The following EIF4G2 variants were observed in gnomAD, a reference collection of about 807,000 sequenced individuals.
The protein encoded by EIF4G2 is eukaryotic translation initiation factor 4 gamma 2.
In EIF4G2, 8 loss-of-function variants were observed where a neutral mutation model predicts 117.7. The ratio of observed to expected loss-of-function variants is 0.07; its 90% CI spans 0.04 to 0.12. EIF4G2 has a LOEUF of 0.12. Ranked by LOEUF, EIF4G2 falls within the 10% of genes least tolerant of loss-of-function variation. The pLI, the probability that EIF4G2 is intolerant of heterozygous loss-of-function variation, is 1.00. For synonymous variants in EIF4G2, 413 were observed against 367.8 expected, an observed-to-expected ratio of 1.12 and a Z score of -1.41; for missense variants, 812 against 1,086.2, an observed-to-expected ratio of 0.75 and a Z score of 3.55.
chr11:10,803,036 T>C lies in EIF4G2; in HGVS notation c.990A>G (p.Ala330=), dbSNP rs759833841. Residue 330 remains alanine (A), a synonymous_variant, in exon 11 of 22, where the codon GCA becomes GCG. Transcript: ENST00000339995. This position sits in a 1 kb window ranked among gnomAD's most constrained non-coding sequence, Gnocchi z 4.0. ...AAACAAAACCCAATCTTACTTTTAC[T>C]GCATCTTGACGAATTTGATTGATCG... The C allele has an allele frequency of 8.7e-6, 14 of 1,608,532 alleles. No homozygotes were observed. Among genetic ancestry groups the C allele is most frequent in the African/African-American group, 1.3e-5 (1 of 74,758 alleles).
Position 10,807,389 on chromosome 11 carries a change from G to A in EIF4G2, c.-86-8C>T, listed in dbSNP as rs1474456651. The A allele has an allele frequency of 2.5e-6, 4 of 1,591,010 alleles. No homozygotes were observed. In the Admixed American group the frequency reaches 5.4e-5, roughly 21 times the overall value. ...ACAGGAGAAATGAAATACCTGGAACGAGAAAGAGCACCAAAATTAGACACT... is the reference window on the plus strand; with the variant it reads ...ACAGGAGAAATGAAATACCTGGAACAAGAAAGAGCACCAAAATTAGACACT... On this transcript the variant is annotated splice_polypyrimidine_tract_variant and splice_region_variant and intron_variant, in intron 1 of 21. Coordinates refer to ENST00000339995, the MANE Select transcript of EIF4G2 (RefSeq NM_001418.4).
chr11:10,799,462 G>A (rs370417714), intron 19 of EIF4G2, 38 bp from the exon 20 acceptor site: 13 of 1,610,560 alleles, frequency 8.1e-6, no homozygotes, highest in Non-Finnish European at 1.0e-5. Context: ...CCAACAGTGA[G>A]TTTTCTTGCT....
chr11:10,805,978 A>C lies in EIF4G2; in HGVS notation c.177T>G (p.Asp59Glu). 1 of 1,614,194 alleles carries C rather than the reference A, an allele frequency of 6.2e-7. No individual in the cohort carries two copies. Reference sequence around the variant, plus strand: ...CGGAGTTGTTTGCTGCGGAGTTGTCATCTCGTCTAGTGCTTCGTGCAGGAA... The same window carrying C: ...CGGAGTTGTTTGCTGCGGAGTTGTCCTCTCGTCTAGTGCTTCGTGCAGGAA... The change falls in exon 4 of 22, where the codon GAT becomes GAG. Residue 59 changes from aspartate to glutamate, a missense_variant. Transcript: ENST00000339995.
intron 13 of EIF4G2, 79 bp from the exon 14 acceptor site, chr11:10,801,853 C>G (rs1316747971): frequency 2.2e-6 from 3 of 1,384,544 alleles, no homozygotes; most frequent in South Asian, 1.3e-5. Context: ...AAGGGATGAG[C>G]CAAGCCATAA....
At chr11:10,806,953 T>C (rs915303599) in intron 2 of EIF4G2, 68 bp from the exon 3 acceptor site, 4 of 1,570,466 alleles carry the variant, frequency 2.5e-6, no homozygotes, top group Non-Finnish European at 2.6e-6. Flanking sequence ...TAAGCATCTA[T>C]TTTGTGTTTT....
chr11:10,806,787 A>G lies in EIF4G2; in HGVS notation c.107+33T>C, dbSNP rs755857188. ...GGGAAAGACTTTTAATCTGTTAAAT[A>G]AAGCTCACTGTTTTTTTACATGTTT... On this transcript the variant is annotated intron_variant, in intron 3 of 21. Transcript: ENST00000339995. 7 of 1,609,468 alleles carry G rather than the reference A, an allele frequency of 4.3e-6. No homozygotes were observed. In the South Asian group the frequency reaches 7.7e-5, roughly 18 times the overall value.
intron 14 of EIF4G2, 43 bp from the exon 15 acceptor site, chr11:10,801,130 T>C (rs909869850): frequency 1.9e-6 from 3 of 1,610,364 alleles, no homozygotes; most frequent in Non-Finnish European, 2.5e-6. Context: ...CAACATGCAG[T>C]TGGCGAACAT....
In EIF4G2 at chr11:10,802,183, C is replaced by T. The variant is rs1432992325; in HGVS notation, c.1165G>A (p.Val389Ile). ...GTGGGTGAAAATCTATCCTGGATAACTCCTGGACCAGTACCAATTCCGCTA... is the reference window on the plus strand; with the variant it reads ...GTGGGTGAAAATCTATCCTGGATAATTCCTGGACCAGTACCAATTCCGCTA... Residue 389 changes from valine to isoleucine, a missense_variant, in exon 13 of 22, where the codon GTT becomes ATT. Val to Ile is a conservative substitution (Grantham distance 29). This residue lies in a region of EIF4G2 where 571 missense variants were observed against 642.3 expected (regional missense o/e 0.89). Transcript: ENST00000339995. 6.2e-7 allele frequency: 1 copy of T among 1,614,182 alleles called. No homozygotes were observed. The highest frequency in any genetic ancestry group is 1.7e-5 in the Admixed American group (1 of 60,010).
Position 10,799,027 on chromosome 11 carries a change from G to C in EIF4G2, c.2623C>G (p.Gln875Glu), listed in dbSNP as rs1564980191. The C allele has an allele frequency of 6.2e-7, 1 of 1,610,908 alleles. No homozygotes were observed. The highest frequency in any genetic ancestry group is 8.5e-7 in the Non-Finnish European group (1 of 1,179,240). Reference sequence around the variant, plus strand: ...GCCTTGCCTTTTCCCGGAAACTCTTGGGTTATATCTTCTTTCCAAGCCAAG... The same window carrying C: ...GCCTTGCCTTTTCCCGGAAACTCTTCGGTTATATCTTCTTTCCAAGCCAAG... The change falls in exon 21 of 22, where the codon CAA (glutamine) becomes GAA (glutamate). Residue 875 changes from glutamine to glutamate, a missense_variant. Coordinates refer to ENST00000339995, the MANE Select transcript of EIF4G2 (RefSeq NM_001418.4).
At chr11:10,798,079 A>T (rs575504046) in intron 21 of EIF4G2, among the ~76,000 whole-genome samples, 198 bp from the exon 22 acceptor site, 37 of 152,352 alleles carry the variant, frequency 2.4e-4, no homozygotes, top group African/African-American at 8.9e-4. Flanking sequence ...TCCTGCAAGG[A>T]TGATCCTCGT....
In EIF4G2 at chr11:10,800,365, AAC is replaced by A; in HGVS notation, c.1861-19_1861-18del. On this transcript the variant is annotated intron_variant, in intron 17 of 21. Coordinates refer to ENST00000339995, the MANE Select transcript of EIF4G2 (RefSeq NM_001418.4). ...CAGGAAAGCCTTGAAAGAAATATACAACAGTTTATCAGTTTTCGAATTTGAGT... is the reference window on the plus strand; with the variant it reads ...CAGGAAAGCCTTGAAAGAAATATACAAGTTTATCAGTTTTCGAATTTGAGT... 2 of 1,613,062 alleles carry A rather than the reference AAC, an allele frequency of 1.2e-6. No homozygotes were observed. Among genetic ancestry groups the A allele is most frequent in the Non-Finnish European group, 1.7e-6 (2 of 1,179,132 alleles).
In EIF4G2 at chr11:10,801,796, A is replaced by T. The variant is rs375199297; in HGVS notation, c.1300-22T>A. The T allele has an allele frequency of 1.6e-4, 262 of 1,607,266 alleles. 1 individual carries two copies. The highest frequency in any genetic ancestry group is 1.2e-3 in the African/African-American group (91 of 74,746). ...GCCCCTATTTCAGAAAAGGAGAAAG[A>T]AAGTCTAGATAAAAAGGGGTCCACA... On this transcript the variant is annotated intron_variant, in intron 13 of 21. Coordinates refer to ENST00000339995, the MANE Select transcript of EIF4G2 (RefSeq NM_001418.4).
At position 10,803,475 on chromosome 11, in the gene EIF4G2, C is replaced by T. The variant is rs778962333; in HGVS notation, c.813+5G>A. 20 of 1,612,474 alleles carry T rather than the reference C, an allele frequency of 1.2e-5. No individual in the cohort carries two copies. Among genetic ancestry groups the T allele is most frequent in the East Asian group, 4.5e-5 (2 of 44,872 alleles). On this transcript the variant is annotated splice_donor_5th_base_variant and intron_variant, in intron 9 of 21. Transcript: ENST00000339995. The surrounding 1 kb of genome is among the most constrained non-coding windows in gnomAD (Gnocchi z 4.0). ...TTGTACTACTTTCATCAGCTACACACGTACCTTGGCTCGTTCATGGTCTAA... is the reference window on the plus strand; with the variant it reads ...TTGTACTACTTTCATCAGCTACACATGTACCTTGGCTCGTTCATGGTCTAA...
At chr11:10,798,738 CACT>C (rs1847334904) in intron 21 of EIF4G2, 1 of 323,004 alleles carries the variant, frequency 3.1e-6, no homozygotes, top group Non-Finnish European at 5.6e-6. Flanking sequence ...CTTGTACAGT[CACT>C]CCCATGTATA....
In EIF4G2 at chr11:10,797,508, G is replaced by T. The variant is rs1362227836; in HGVS notation, c.*308C>A. 2.3e-5 allele frequency: 7 copies of T among 303,366 alleles called. No homozygotes were observed. Among genetic ancestry groups the T allele is most frequent in the Non-Finnish European group, 4.3e-5 (7 of 162,336 alleles). 18.8% of individuals were successfully genotyped at this position (303,366 alleles called of 1,614,324 possible). A position where few individuals can be genotyped will look rare whatever the true frequency, so the allele number is the denominator to read the frequency against. ...AGTTTTCTAACTTAAAACAGCCTATGATAACTGGCAGCAAAGAAGGTCCTT... is the reference window on the plus strand; with the variant it reads ...AGTTTTCTAACTTAAAACAGCCTATTATAACTGGCAGCAAAGAAGGTCCTT... On this transcript the variant is annotated 3_prime_UTR_variant, in exon 22 of 22. Coordinates refer to ENST00000339995, the MANE Select transcript of EIF4G2 (RefSeq NM_001418.4). The surrounding 1 kb of genome is among the most constrained non-coding windows in gnomAD (Gnocchi z 4.5).
Position 10,797,618 on chromosome 11 carries a change from A to G in EIF4G2, c.*198T>C. On this transcript the variant is annotated 3_prime_UTR_variant, in exon 22 of 22. Coordinates refer to ENST00000339995, the MANE Select transcript of EIF4G2 (RefSeq NM_001418.4). The surrounding 1 kb of genome is among the most constrained non-coding windows in gnomAD (Gnocchi z 4.5). The stretch of plus-strand genomic sequence containing the variant: ...TATCTAAACATTAAAGATACTCCTA[A>G]AATATTTGATGGTAGACTATGATTA... The G allele has an allele frequency of 1.7e-6, 1 of 592,304 alleles. No individual in the cohort carries two copies. The highest frequency in any genetic ancestry group is 3.0e-6 in the Non-Finnish European group (1 of 334,466). 36.7% of individuals were successfully genotyped at this position (592,304 alleles called of 1,614,324 possible).
At position 10,799,184 on chromosome 11, in the gene EIF4G2, C is replaced by T. The variant is rs373416061; in HGVS notation, c.2536+29G>A. On this transcript the variant is annotated intron_variant, in intron 20 of 21. Transcript: ENST00000339995. ...AGTGTTCTGTTTAAGAACTTCCTCACGCCGTTCTTCTGATACAAGTCCTCT... is the reference window on the plus strand; with the variant it reads ...AGTGTTCTGTTTAAGAACTTCCTCATGCCGTTCTTCTGATACAAGTCCTCT... The T allele has an allele frequency of 5.1e-5, 82 of 1,612,422 alleles. No individual in the cohort carries two copies. In the African/African-American group the frequency reaches 6.8e-4, roughly 13 times the overall value.
chr11:10,808,003 G>A (rs947182409), intron 1 of EIF4G2: 1 of 1,042,396 alleles, frequency 9.6e-7, no homozygotes, highest in Non-Finnish European at 1.2e-6. Flanking sequence ...AAGTGCTTCC[G>A]ACAACCTCCC....
chr11:10,802,519 A>G (rs1407320737), intron 11 of EIF4G2, 84 bp from the exon 12 acceptor site: 4 of 1,432,630 alleles, frequency 2.8e-6, no homozygotes, highest in Non-Finnish European at 3.7e-6. Context: ...AGGGGGGGAA[A>G]CCTAGAATAT....
Sources: gnomAD v4.1 joint callset for allele counts (sites outside exome capture counted in the v4.1 genomes callset) on GRCh38, gnomAD v4.1.1 for gene constraint, gnomAD v4.1.1 regional missense constraint, Gnocchi (gnomAD v3.1) non-coding constraint, MANE v1.5 for transcripts, NCBI Gene and HGNC (gene_info 2026-07-23, HGNC 2026-07-21) for gene names.